The following LBH variants were observed in gnomAD, a reference collection of about 807,000 sequenced individuals.
The protein encoded by LBH is protein LBH.
LBH carries 7 observed loss-of-function variants against 12.5 expected under a neutral mutation model. The ratio of observed to expected loss-of-function variants is 0.56; its 90% CI spans 0.32 to 1.05. The LOEUF (loss-of-function observed/expected upper bound fraction) is 1.05, where lower values mean the gene tolerates loss of function less well. LBH is among the 50% of genes least tolerant of loss of function. The probability of loss-of-function intolerance (pLI) is 0.04; values close to 1 mark genes in which losing one functional copy is unlikely to be tolerated. For missense variants in LBH, 119 were observed against 138.9 expected (o/e 0.86, Z 0.72); for synonymous variants, 51 against 50.1 (o/e 1.02, Z -0.08).
intron 2 of LBH, among the ~76,000 whole-genome samples, chr2:30,238,133 G>A (rs886442805): frequency 2.0e-5 from 3 of 152,194 alleles, no homozygotes; most frequent in Non-Finnish European, 4.4e-5. Context: ...GGTCTCCTTC[G>A]ATGCTGTGCC....
intron 2 of LBH, among the ~76,000 whole-genome samples, chr2:30,242,059 G>A (rs79858021): frequency 1.3e-5 from 2 of 151,770 alleles, no homozygotes; most frequent in Non-Finnish European, 2.9e-5. Context: ...TTTAGGTTAC[G>A]TATATTTTCT....
In LBH at chr2:30,231,727, C is replaced by T. The variant is rs1379716593; in HGVS notation, c.-12C>T. On this transcript the variant is annotated 5_prime_UTR_variant, in exon 1 of 3. Coordinates refer to ENST00000395323, the MANE Select transcript of LBH (RefSeq NM_030915.4). The stretch of plus-strand genomic sequence containing the variant: ...AATCACAGGGGCGTGTGTCAGCCTG[C>T]CCTAGGACTTCATGTCTATATATTT... 1.0e-5 allele frequency: 16 copies of T among 1,589,722 alleles called. No individual in the cohort carries two copies. The highest frequency in any genetic ancestry group is 1.4e-5 in the Non-Finnish European group (16 of 1,168,402).
chr2:30,256,114 G>T (rs939687193), intron 2 of LBH, among the ~76,000 whole-genome samples: 1 of 152,150 alleles, frequency 6.6e-6, no homozygotes, highest in African/African-American at 2.4e-5. Context: ...GCAGCCCAGC[G>T]GATTAAGTAC....
intron 2 of LBH, among the ~76,000 whole-genome samples, chr2:30,241,427 A>G (rs2103558286): frequency 6.8e-6 from 1 of 147,754 alleles, no homozygotes; most frequent in African/African-American, 2.5e-5. Context: ...ACATATGCTC[A>G]TTATGGAATT....
chr2:30,251,881 T>A (rs1677985282), intron 2 of LBH, among the ~76,000 whole-genome samples: 2 of 152,098 alleles, frequency 1.3e-5, no homozygotes, highest in East Asian at 3.9e-4. Flanking sequence ...GCCCAGGGCG[T>A]TTGTTTGGCC....
chr2:30,231,900 G>A (rs1243047136), intron 1 of LBH, 136 bp downstream of exon 1: 12 of 472,402 alleles, frequency 2.5e-5, no homozygotes, highest in Non-Finnish European at 3.7e-5. Flanking sequence ...GCCCGAGCCC[G>A]TGCAGGAGTC....
chr2:30,246,077 G>A (rs577728853), intron 2 of LBH, among the ~76,000 whole-genome samples: 2 of 151,620 alleles, frequency 1.3e-5, no homozygotes, highest in East Asian at 3.9e-4. Flanking sequence ...TCATGCCTCA[G>A]CCTCCCAAGT....
chr2:30,257,443 A>G lies in LBH; in HGVS notation c.140A>G (p.Asp47Gly), dbSNP rs1678104548. ...CTGCTTTTCTTTCAGATCTTCCCAG[A>G]CCCGTCAGATTTTGACCGCTGCTGC... ...KDGLSYQIFP[D>G]PSDFDRCCKL... The change falls in exon 3 of 3, where the codon GAC becomes GGC. Residue 47 changes from aspartate (D) to glycine (G), a missense_variant. Physicochemically the swap from Asp to Gly is moderately conservative, Grantham distance 94. Transcript: ENST00000395323. 6.2e-7 allele frequency: 1 copy of G among 1,613,880 alleles called. No homozygotes were observed. The highest frequency in any genetic ancestry group is 1.3e-5 in the African/African-American group (1 of 74,894).
chr2:30,251,692 TAAAA>T (rs1406225083), intron 2 of LBH, among the ~76,000 whole-genome samples: 1 of 138,058 alleles, frequency 7.2e-6, no homozygotes, highest in African/African-American at 2.8e-5. Flanking sequence ...AAAAAACTAA[TAAAA>T]AATAAGAAAG....
At chr2:30,238,488 ATC>A (rs1677728915) in intron 2 of LBH, among the ~76,000 whole-genome samples, 1 of 152,174 alleles carries the variant, frequency 6.6e-6, no homozygotes, top group South Asian at 2.1e-4. Flanking sequence ...TTTGACATCC[ATC>A]TGTCAGTCAG....
At chr2:30,234,020 G>C (rs907015598) in intron 1 of LBH, among the ~76,000 whole-genome samples, 2 of 152,208 alleles carry the variant, frequency 1.3e-5, no homozygotes, top group African/African-American at 2.4e-5. Flanking sequence ...CTTAGTTGGA[G>C]AAGTGAAGGG....
chr2:30,258,955 C>A lies in LBH; in HGVS notation c.*1334C>A, dbSNP rs921250934. 1 of 152,284 alleles carries A rather than the reference C, an allele frequency of 6.6e-6. No individual in the cohort carries two copies. The highest frequency in any genetic ancestry group is 1.5e-5 in the Non-Finnish European group (1 of 68,062). The allele number at this position is 152,284 out of a possible 1,614,324, so 9.4% of individuals were successfully genotyped here. A position where few individuals can be genotyped will look rare whatever the true frequency, so the allele number is the denominator to read the frequency against. On this transcript the variant is annotated 3_prime_UTR_variant, in exon 3 of 3. Transcript: ENST00000395323. ...CCTCCCACTGCTTCCTGCAAGGGCA[C>A]CAGTTGTATGAGAAAGTTGGCCTTT...
chr2:30,242,986 A>G (rs563268835), intron 2 of LBH, among the ~76,000 whole-genome samples: 1 of 152,372 alleles, frequency 6.6e-6, no homozygotes, highest in South Asian at 2.1e-4. Flanking sequence ...AGAAAAGATC[A>G]AAGAGTTTAT....
In LBH at chr2:30,257,553, G is replaced by A; in HGVS notation, c.250G>A (p.Glu84Lys). ...CGGGGAGCTCCGGTGGCCCCCTGAG[G>A]AGTTCCTGGTCCAGGAGGATGAGCA... ...ESGELRWPPEEFLVQEDEQDN... is the reference protein window; with the variant it reads ...ESGELRWPPEKFLVQEDEQDN... The change falls in exon 3 of 3, where the codon GAG (glutamate) becomes AAG (lysine). Residue 84 changes from glutamate (E) to lysine (K), a missense_variant. Coordinates refer to ENST00000395323, the MANE Select transcript of LBH (RefSeq NM_030915.4). 2 of 1,614,196 alleles carry A rather than the reference G, an allele frequency of 1.2e-6. No individual in the cohort carries two copies. Among genetic ancestry groups the A allele is most frequent in the Non-Finnish European group, 1.7e-6 (2 of 1,180,038 alleles).
chr2:30,257,493 A>G lies in LBH; in HGVS notation c.190A>G (p.Ile64Val), dbSNP rs202140196. 1 of 1,614,202 alleles carries G rather than the reference A, an allele frequency of 6.2e-7. No individual in the cohort carries two copies. Among genetic ancestry groups the G allele is most frequent in the Non-Finnish European group, 8.5e-7 (1 of 1,180,000 alleles). ...CCKLKDRLPS[I>V]VVEPTEGEVE... is the part of the protein sequence containing the mutation. ...CAAACTGAAGGACCGTCTGCCCTCCATAGTGGTGGAACCCACAGAAGGGGA... is the reference window on the plus strand; with the variant it reads ...CAAACTGAAGGACCGTCTGCCCTCCGTAGTGGTGGAACCCACAGAAGGGGA... The change falls in exon 3 of 3, where the codon ATA (isoleucine) becomes GTA (valine). Residue 64 changes from isoleucine (I) to valine (V), a missense_variant. Transcript: ENST00000395323.
chr2:30,237,940 C>T (rs776623978), intron 2 of LBH, among the ~76,000 whole-genome samples: 23 of 152,110 alleles, frequency 1.5e-4, no homozygotes, highest in Non-Finnish European at 2.4e-4. Flanking sequence ...GGAGGGTCTC[C>T]AGCAGGATGT....
chr2:30,235,032 A>G (rs1232194777), intron 2 of LBH, among the ~76,000 whole-genome samples: 1 of 152,138 alleles, frequency 6.6e-6, no homozygotes. Flanking sequence ...CCACTTAGAG[A>G]GGAAGATATT....
At chr2:30,252,076 G>A (rs1333442393) in intron 2 of LBH, among the ~76,000 whole-genome samples, 5 of 152,112 alleles carry the variant, frequency 3.3e-5, no homozygotes, top group Non-Finnish European at 7.3e-5. Flanking sequence ...GCTTGGCCGT[G>A]TCCCCACCCA....
chr2:30,232,599 G>A (rs1677612406), intron 1 of LBH: 1 of 176,554 alleles, frequency 5.7e-6, no homozygotes, highest in East Asian at 1.4e-4. Flanking sequence ...TCTCAGGTGC[G>A]GACGTGGGGA....
Sources: allele counts gnomAD v4.1 joint callset (sites outside exome capture counted in the v4.1 genomes callset), GRCh38; gene constraint gnomAD v4.1.1; transcripts MANE v1.5; gene names NCBI Gene and HGNC (gene_info 2026-07-23, HGNC 2026-07-21).